CUX1: variants seen among roughly 807,000 people sequenced by gnomAD.
The protein encoded by CUX1 is cut like homeobox 1.
A neutral mutation model predicts 158.8 loss-of-function variants in CUX1; 31 were observed. That is an observed-to-expected ratio of 0.20 (90% CI 0.15 to 0.26). The LOEUF is 0.26. Ranked by LOEUF, CUX1 falls within the 10% of genes least tolerant of loss-of-function variation. CUX1 has a pLI of 1.00. For synonymous variants in CUX1, 879 were observed against 862.1 expected, an observed-to-expected ratio of 1.02 and a Z score of -0.34; for missense variants, 1,589 against 2,014.6, an observed-to-expected ratio of 0.79 and a Z score of 4.04.
intron 1 of CUX1, among the ~76,000 whole-genome samples, chr7:101,865,247 GC>G (rs1797830130): frequency 6.6e-6 from 1 of 152,218 alleles, no homozygotes; most frequent in African/African-American, 2.4e-5. Flanking sequence ...GGTTTGTTGA[GC>G]TACAGATGCC....
intron 4 of CUX1, among the ~76,000 whole-genome samples, chr7:102,091,442 C>T (rs1481840441): frequency 6.6e-6 from 1 of 152,102 alleles, no homozygotes; most frequent in Non-Finnish European, 1.5e-5. Context: ...GCAATCCTCC[C>T]ACCTCAGCCT....
chr7:102,126,540 C>T (rs1225797818), intron 8 of CUX1, among the ~76,000 whole-genome samples: 1 of 151,976 alleles, frequency 6.6e-6, no homozygotes, highest in African/African-American at 2.4e-5. Context: ...CCCCTAAACC[C>T]ATCGTAACTT....
At chr7:102,178,383 G>A (rs139854572) in intron 10 of CUX1, 86 bp from the exon 11 acceptor site, 11 of 1,303,250 alleles carry the variant, frequency 8.4e-6, no homozygotes, top group Non-Finnish European at 1.2e-5. Flanking sequence ...CATCTGTGCA[G>A]CTTCTGTCTC....
intron 8 of CUX1, among the ~76,000 whole-genome samples, chr7:102,119,589 A>G (rs1554492823): frequency 6.6e-6 from 1 of 152,244 alleles, no homozygotes; most frequent in Non-Finnish European, 1.5e-5. Context: ...AATGGCAAGC[A>G]CAGTTTAATA....
At chr7:101,906,977 C>T (rs528421377) in intron 1 of CUX1, among the ~76,000 whole-genome samples, 1 of 152,310 alleles carries the variant, frequency 6.6e-6, no homozygotes, top group African/African-American at 2.4e-5. Flanking sequence ...GATGCCCCCT[C>T]TGGCCCACGT....
chr7:102,153,119 G>A lies in CUX1; in HGVS notation c.675-5441G>A, dbSNP rs147006357. 2.9e-3 allele frequency among the ~76,000 whole-genome samples: 439 copies of A among 152,324 alleles called. 3 individuals are homozygous for A. Among genetic ancestry groups the A allele is most frequent in the African/African-American group, 0.01 (426 of 41,572 alleles). On this transcript the variant is annotated intron_variant, in intron 8 of 23. Transcript: ENST00000292535. ...ATGTGAAATCTTCTGGAGATGAGGCGTGGTTTTCCGGATATTCGGTGTCCT... is the reference window on the plus strand; with the variant it reads ...ATGTGAAATCTTCTGGAGATGAGGCATGGTTTTCCGGATATTCGGTGTCCT...
chr7:102,274,759 A>C (rs1446911116), intron 16 of CUX1, among the ~76,000 whole-genome samples: 1 of 152,232 alleles, frequency 6.6e-6, no homozygotes, highest in East Asian at 1.9e-4. Context: ...CTCACTGCCA[A>C]AGTGCAGCCG....
chr7:101,985,581 G>A (rs574697019), intron 2 of CUX1, among the ~76,000 whole-genome samples: 85 of 152,330 alleles, frequency 5.6e-4, no homozygotes, highest in African/African-American at 2.0e-3. Context: ...CCCTGCAGTG[G>A]AGAGGTTAAG....
chr7:101,905,972 G>C (rs543583543), intron 1 of CUX1, among the ~76,000 whole-genome samples: 1 of 151,262 alleles, frequency 6.6e-6, no homozygotes, highest in African/African-American at 2.4e-5. Flanking sequence ...ACAGGTGTGC[G>C]CCACCATGCC....
chr7:101,921,621 C>T (rs568656916), intron 2 of CUX1, among the ~76,000 whole-genome samples: 3 of 152,026 alleles, frequency 2.0e-5, no homozygotes, highest in South Asian at 2.1e-4. Context: ...TCACCATGCC[C>T]GGCTAATTTT....
At chr7:102,153,293 G>C (rs1835894328) in intron 8 of CUX1, 1 of 152,314 alleles carries the variant, frequency 6.6e-6, no homozygotes, top group African/African-American at 2.4e-5. Context: ...GCCGGCCTCT[G>C]TGTAAAGCTG....
At position 102,250,696 on chromosome 7, in the gene CUX1, C is replaced by G. The variant is rs1268199747; in HGVS notation, c.*1654C>G. The G allele has an allele frequency of 4.1e-6, 4 of 985,276 alleles. No individual in the cohort carries two copies. Among genetic ancestry groups the G allele is most frequent in the Non-Finnish European group, 4.8e-6 (4 of 829,948 alleles). 61.0% of individuals were successfully genotyped at this position (985,276 alleles called of 1,614,324 possible). On this transcript the variant is annotated 3_prime_UTR_variant, in exon 24 of 24. Transcript: ENST00000292535. ...TTTTTATGCACAGTTTTAGGGCAGT[C>G]TAAGTACAAACTGAAAGTCTAACTT...
intron 23 of CUX1, among the ~76,000 whole-genome samples, chr7:102,244,602 G>A (rs1039144453): frequency 1.3e-5 from 2 of 152,114 alleles, no homozygotes; most frequent in Non-Finnish European, 2.9e-5. Context: ...GGCTGAGGTG[G>A]GAGAATCACT....
Position 102,275,532 on chromosome 7 carries a change from AAAG to A in CUX1, c.1563+178_1563+180del, listed in dbSNP as rs1333012450. Among the ~76,000 whole-genome samples the A allele has an allele frequency of 5.3e-5, 8 of 152,246 alleles. No individual in the cohort carries two copies. The East Asian group carries it at 1.4e-3, about 26-fold the overall frequency. The stretch of plus-strand genomic sequence containing the variant: ...GGAGGTCATGCCACACTGGGCTTTG[AAAG>A]AAGACTCAGATGCTCACAGTAGAGG... On this transcript the variant is annotated intron_variant, in intron 17 of 22. Coordinates refer to the CUX1 transcript ENST00000292538.
At chr7:102,111,611 G>A in intron 6 of CUX1, 87 bp from the exon 7 acceptor site, 1 of 1,223,054 alleles carries the variant, frequency 8.2e-7, no homozygotes, top group Non-Finnish European at 1.2e-6. Context: ...TGAGCGCAGG[G>A]AGGGAGCTGA....
At chr7:102,212,034 C>G (rs1554523304) in intron 20 of CUX1, among the ~76,000 whole-genome samples, 1 of 152,182 alleles carries the variant, frequency 6.6e-6, no homozygotes, top group Non-Finnish European at 1.5e-5. Context: ...CGGAAAGCCC[C>G]TTTGTCACTG....
chr7:102,178,278 G>A (rs1403496973), intron 10 of CUX1, among the ~76,000 whole-genome samples, 191 bp from the exon 11 acceptor site: 1 of 152,190 alleles, frequency 6.6e-6, no homozygotes, highest in East Asian at 1.9e-4. Context: ...TGAATGAATC[G>A]AGGTGGCAGC....
upstream of CUX1, chr7:101,817,591 C>A: frequency 6.5e-7 from 1 of 1,531,522 alleles, no homozygotes; most frequent in South Asian, 1.2e-5. This position sits in a 1 kb window ranked among gnomAD's most constrained non-coding sequence, Gnocchi z 4.1. Flanking sequence ...CCGCACGTGC[C>A]AGCTCGGCGC....
In CUX1 at chr7:101,916,530, C is replaced by T. The variant is rs551280606; in HGVS notation, c.141+305C>T. ...CAGGTGTGTGGGTGTCTCAGACCCT[C>T]GAGCTCATCCCAGACCCTGTCCCAT... On this transcript the variant is annotated intron_variant, in intron 2 of 23. Transcript: ENST00000292535. The surrounding 1 kb of genome is among the most constrained non-coding windows in gnomAD (Gnocchi z 4.4). The T allele has an allele frequency of 4.4e-5, 14 of 321,340 alleles. No homozygotes were observed. Among genetic ancestry groups the T allele is most frequent in the South Asian group, 3.7e-4 (14 of 37,842 alleles). 19.9% of individuals were successfully genotyped at this position (321,340 alleles called of 1,614,324 possible).
Sources: allele counts gnomAD v4.1 joint callset (sites outside exome capture counted in the v4.1 genomes callset), GRCh38; gene constraint gnomAD v4.1.1; non-coding constraint Gnocchi (gnomAD v3.1); transcripts MANE v1.5; gene names NCBI Gene and HGNC (gene_info 2026-07-23, HGNC 2026-07-21).